LEPR: variants seen among roughly 807,000 people sequenced by gnomAD.
LEPR encodes OB receptor.
A neutral mutation model predicts 114.7 loss-of-function variants in LEPR; 56 were observed. That is an observed-to-expected ratio of 0.49 (90% CI 0.39 to 0.61). The LOEUF is 0.61. LEPR is among the 20% of genes least tolerant of loss of function. LEPR has a pLI of 0.00. For synonymous variants in LEPR, 443 were observed against 461.4 expected (o/e 0.96, Z 0.51); for missense variants, 1,202 against 1,352.9 (o/e 0.89, Z 1.75).
intron 2 of LEPR, among the ~76,000 whole-genome samples, chr1:65,488,871 T>C (rs1442679292): frequency 1.3e-5 from 2 of 152,088 alleles, no homozygotes; most frequent in Non-Finnish European, 2.9e-5. Context: ...ACATGAGAAG[T>C]TTGTCTTTCT....
rs1237953872 is a variant in LEPR at position 65,548,518 on chromosome 1, A to G, written c.-20-17028A>G. ...TGTATTGGGTGCATATATATTTAAG[A>G]TAGTTAGCTCTTCTTGTTGAATTGA... On this transcript the variant is annotated intron_variant, in intron 2 of 19. Transcript: ENST00000349533. Among the ~76,000 whole-genome samples the G allele has an allele frequency of 2.6e-5, 4 of 152,206 alleles. No homozygotes were observed. In the East Asian group the frequency reaches 7.7e-4, roughly 29 times the overall value.
intron 2 of LEPR, among the ~76,000 whole-genome samples, chr1:65,443,818 G>C (rs1337247035): frequency 6.6e-6 from 1 of 152,094 alleles, no homozygotes; most frequent in African/African-American, 2.4e-5. Context: ...TGTTCTTTTG[G>C]GGGTAGATTT....
chr1:65,501,216 T>A (rs149629332), intron 2 of LEPR, among the ~76,000 whole-genome samples: 4 of 151,908 alleles, frequency 2.6e-5, no homozygotes, highest in Non-Finnish European at 5.9e-5. Flanking sequence ...TAAAACAACA[T>A]GAATTTATTA....
intron 2 of LEPR, among the ~76,000 whole-genome samples, chr1:65,518,855 TTTTCTTTC>T (rs796456090): frequency 6.9e-6 from 1 of 144,432 alleles, no homozygotes; most frequent in South Asian, 2.3e-4. Flanking sequence ...TCTTTTTCTC[TTTTCTTTC>T]TTTCTTTCTT....
At chr1:65,491,809 G>A (rs991919705) in intron 2 of LEPR, among the ~76,000 whole-genome samples, 12 of 152,058 alleles carry the variant, frequency 7.9e-5, no homozygotes, top group African/African-American at 2.9e-4. Context: ...GTATCTGTTA[G>A]GAGTACTTAA....
chr1:65,570,468 A>G lies in LEPR; in HGVS notation c.41-5A>G. The G allele has an allele frequency of 6.2e-7, 1 of 1,612,400 alleles. No individual in the cohort carries two copies. Among genetic ancestry groups the G allele is most frequent in the Non-Finnish European group, 8.5e-7 (1 of 1,179,418 alleles). The stretch of plus-strand genomic sequence containing the variant: ...TTTCTATGTGTCTTTTTAATATCCT[A>G]ACAGAATTTATTTATGTGATAACTG... On this transcript the variant is annotated splice_polypyrimidine_tract_variant and splice_region_variant and intron_variant, in intron 3 of 19. Transcript: ENST00000349533.
chr1:65,557,786 A>G (rs926192730), intron 2 of LEPR, among the ~76,000 whole-genome samples: 1 of 152,106 alleles, frequency 6.6e-6, no homozygotes, highest in Non-Finnish European at 1.5e-5. Context: ...TTTAGGGTGC[A>G]TGTTTCTCTC....
chr1:65,548,674 C>T (rs900296747), intron 2 of LEPR, among the ~76,000 whole-genome samples: 98 of 152,214 alleles, frequency 6.4e-4, no homozygotes, highest in Non-Finnish European at 2.8e-4. Flanking sequence ...GATCCTCCTC[C>T]GTCCTTTTAT....
At position 65,636,326 on chromosome 1, in the gene LEPR, A is replaced by G. The variant is rs1278077421; in HGVS notation, c.2809A>G (p.Thr937Ala). 3 of 1,614,108 alleles carry G rather than the reference A, an allele frequency of 1.9e-6. No homozygotes were observed. Among genetic ancestry groups the G allele is most frequent in the Non-Finnish European group, 2.5e-6 (3 of 1,179,974 alleles). The change falls in exon 20 of 20, where the codon ACA becomes GCA. Residue 937 changes from threonine (T) to alanine (A), a missense_variant. Thr to Ala is a moderately conservative substitution (Grantham distance 58, BLOSUM62 0). Coordinates refer to ENST00000349533, the MANE Select transcript of LEPR (RefSeq NM_002303.6). ...SWKNKDEMMP[T>A]TVVSLLSTTD... ...GAAAAATAAAGATGAGATGATGCCA[A>G]CAACTGTGGTCTCTCTACTTTCAAC...
chr1:65,432,608 A>G (rs1167706673), intron 2 of LEPR: 1 of 984,768 alleles, frequency 1.0e-6, no homozygotes, highest in African/African-American at 1.7e-5. Context: ...TGCTGAGGAC[A>G]AGTTCAGATG....
chr1:65,588,425 T>C (rs1483475764), intron 5 of LEPR, among the ~76,000 whole-genome samples: 1 of 152,052 alleles, frequency 6.6e-6, no homozygotes, highest in African/African-American at 2.4e-5. Flanking sequence ...ATAGTTGATA[T>C]ATAATAAGCT....
At chr1:65,467,284 G>T (rs934633738) in intron 2 of LEPR, among the ~76,000 whole-genome samples, 8 of 152,124 alleles carry the variant, frequency 5.3e-5, no homozygotes, top group Non-Finnish European at 1.5e-5. Context: ...CTAACAGTCA[G>T]ACCCCTCAGC....
intron 2 of LEPR, among the ~76,000 whole-genome samples, chr1:65,481,911 A>G (rs2100454826): frequency 6.6e-6 from 1 of 151,778 alleles, no homozygotes; most frequent in East Asian, 1.9e-4. Flanking sequence ...AAAAAAGAGG[A>G]AATTAGCATT....
At chr1:65,621,566 T>C in intron 18 of LEPR, 108 bp downstream of exon 18, 1 of 902,970 alleles carries the variant, frequency 1.1e-6, no homozygotes, top group East Asian at 2.6e-5. Context: ...TAAGTGCTTT[T>C]ATATGTAGTC....
rs1334018689 is a variant in LEPR, at chr1:65,572,436, C to G, written c.481C>G (p.Leu161Val). The G allele has an allele frequency of 6.3e-7, 1 of 1,592,856 alleles. No individual in the cohort carries two copies. Among genetic ancestry groups the G allele is most frequent in the East Asian group, 2.2e-5 (1 of 44,520 alleles). The change falls in exon 5 of 20, where the codon CTT becomes GTT. Residue 161 changes from leucine to valine, a missense_variant. Leu to Val is a conservative substitution (Grantham distance 32). Coordinates refer to ENST00000349533, the MANE Select transcript of LEPR (RefSeq NM_002303.6). ...LFRNYNYKVH[L>V]LYVLPEVLED... ...CAGGAATTATAACTATAAGGTCCAT[C>G]TTTTATATGTTCTGTAAGTACCAAA...
chr1:65,613,126 A>G (rs1657282389), intron 14 of LEPR, among the ~76,000 whole-genome samples: 2 of 152,038 alleles, frequency 1.3e-5, no homozygotes, highest in Admixed American at 6.6e-5. Context: ...TATTTATTCA[A>G]TCATTTATTT....
intron 19 of LEPR, among the ~76,000 whole-genome samples, 182 bp from the exon 20 acceptor site, chr1:65,636,006 CTAT>C (rs1658706524): frequency 6.6e-6 from 1 of 152,130 alleles, no homozygotes; most frequent in African/African-American, 2.4e-5. Context: ...CTTTCAAATG[CTAT>C]CATCTTAAAC....
intron 14 of LEPR, among the ~76,000 whole-genome samples, chr1:65,613,959 G>A (rs1003797336): frequency 6.6e-6 from 1 of 151,944 alleles, no homozygotes; most frequent in African/African-American, 2.4e-5. Flanking sequence ...AATTGCTGGT[G>A]AGGATGCAGG....
intron 1 of LEPR, among the ~76,000 whole-genome samples, chr1:65,423,427 A>G (rs1276607955): frequency 2.0e-5 from 3 of 152,172 alleles, no homozygotes; most frequent in African/African-American, 4.8e-5. Context: ...ACGTTGAGAA[A>G]CTGGTATCAG....
Sources: gnomAD v4.1 joint callset for allele counts (sites outside exome capture counted in the v4.1 genomes callset) on GRCh38, gnomAD v4.1.1 for gene constraint, MANE v1.5 for transcripts, NCBI Gene and HGNC (gene_info 2026-07-23, HGNC 2026-07-21) for gene names.